ZC3H12B: variants seen among roughly 807,000 people sequenced by gnomAD.
ZC3H12B encodes the protein zinc finger CCCH-type containing 12B.
In ZC3H12B, 7 loss-of-function variants were observed where a neutral mutation model predicts 43.9. The ratio of observed to expected loss-of-function variants is 0.16; its 90% CI spans 0.09 to 0.30. ZC3H12B has a LOEUF of 0.30. Ranked by LOEUF, ZC3H12B falls within the 10% of genes least tolerant of loss-of-function variation. The probability of loss-of-function intolerance (pLI) is 1.00; values close to 1 mark genes in which losing one functional copy is unlikely to be tolerated. For missense variants in ZC3H12B, 475 were observed against 670.2 expected (o/e 0.71, Z 3.22); for synonymous variants, 222 against 241.7 (o/e 0.92, Z 0.76).
chrX:65,406,613 T>C (rs749550075), intron 3 of ZC3H12B, among the ~76,000 whole-genome samples: 1,307 of 17,386 alleles, frequency 0.075, 55 homozygotes, highest in African/African-American at 0.096. Context: ...TGGGCGGGGC[T>C]GGGCGGGACT....
intron 2 of ZC3H12B, among the ~76,000 whole-genome samples, chrX:65,391,444 G>A (rs747846622): frequency 5.4e-5 from 6 of 111,326 alleles, no homozygotes; most frequent in African/African-American, 1.3e-4. Flanking sequence ...CTCTTTTTGG[G>A]CAGATTTTGA....
chrX:65,417,647 G>T (rs1449674036), intron 3 of ZC3H12B, among the ~76,000 whole-genome samples: 1 of 112,582 alleles, frequency 8.9e-6, no homozygotes, highest in Non-Finnish European at 1.9e-5. Context: ...GGAGCTAATT[G>T]ATTTCTGGCC....
chrX:65,193,304 G>A, the ZC3H12B span, among the ~76,000 whole-genome samples: 1 of 110,662 alleles, frequency 9.0e-6, no homozygotes, highest in African/African-American at 3.3e-5. Flanking sequence ...GTTTTATCTT[G>A]TCTTCGATCT....
intron 3 of ZC3H12B, among the ~76,000 whole-genome samples, chrX:65,403,895 G>A (rs1217355329): frequency 9.0e-6 from 1 of 111,392 alleles, no homozygotes; most frequent in African/African-American, 3.3e-5. Context: ...CAAAACTCAT[G>A]GGTAATAGTA....
chrX:65,312,206 C>CA, the ZC3H12B span, among the ~76,000 whole-genome samples: 5 of 111,413 alleles, frequency 4.5e-5, no homozygotes, highest in East Asian at 1.4e-3. Flanking sequence ...GAAGAACAAC[C>CA]AATATAGTAG....
chrX:65,081,335 G>A, the ZC3H12B span, among the ~76,000 whole-genome samples: 28 of 110,649 alleles, frequency 2.5e-4, no homozygotes, highest in African/African-American at 8.9e-4. Context: ...AAAAGATGTA[G>A]AGAGGCTGAT....
chrX:65,097,690 G>T, the ZC3H12B span, among the ~76,000 whole-genome samples: 3 of 111,828 alleles, frequency 2.7e-5, no homozygotes, highest in African/African-American at 9.7e-5. Context: ...AACCATTTTT[G>T]TAGAGAAAAT....
chrX:65,425,765 A>G (rs1161023499), intron 3 of ZC3H12B, among the ~76,000 whole-genome samples: 1 of 111,804 alleles, frequency 8.9e-6, no homozygotes, highest in Non-Finnish European at 1.9e-5. Context: ...AATCACATTT[A>G]TTGATTTGTG....
At chrX:65,458,877 A>G (rs1050269208) in intron 3 of ZC3H12B, among the ~76,000 whole-genome samples, 4 of 111,589 alleles carry the variant, frequency 3.6e-5, no homozygotes, top group Non-Finnish European at 7.5e-5. Flanking sequence ...AACTGAAGGA[A>G]ATAGAGACAC....
At chrX:65,247,474 C>T in the ZC3H12B span, among the ~76,000 whole-genome samples, 1 of 112,501 alleles carries the variant, frequency 8.9e-6, no homozygotes, top group Non-Finnish European at 1.9e-5. Flanking sequence ...ATAGCAAAGA[C>T]ATGGGATCAA....
the ZC3H12B span, among the ~76,000 whole-genome samples, chrX:65,177,943 C>A: frequency 8.9e-6 from 1 of 112,144 alleles, no homozygotes; most frequent in Non-Finnish European, 1.9e-5. Flanking sequence ...CAAAAATAGC[C>A]TGTATACCCA....
chrX:65,136,742 G>C, the ZC3H12B span, among the ~76,000 whole-genome samples: 1 of 111,495 alleles, frequency 9.0e-6, no homozygotes, highest in African/African-American at 3.3e-5. Flanking sequence ...CTCTCAACTC[G>C]TGAAGTCCCT....
chrX:65,250,063 A>G, the ZC3H12B span, among the ~76,000 whole-genome samples: 1 of 110,301 alleles, frequency 9.1e-6, no homozygotes, highest in Non-Finnish European at 1.9e-5. Flanking sequence ...CATTAGGTAT[A>G]TCTCCTAATG....
the ZC3H12B span, among the ~76,000 whole-genome samples, chrX:65,168,876 G>T: frequency 9.0e-6 from 1 of 111,679 alleles, no homozygotes; most frequent in Non-Finnish European, 1.9e-5. Flanking sequence ...CTGTGGAATT[G>T]ATGGTGATAT....
the ZC3H12B span, among the ~76,000 whole-genome samples, chrX:65,166,633 A>G: frequency 3.6e-5 from 4 of 111,844 alleles, no homozygotes; most frequent in Non-Finnish European, 7.5e-5. Flanking sequence ...GTCTTCCACA[A>G]TGGTTGAACT....
chrX:65,344,916 A>G, the ZC3H12B span, among the ~76,000 whole-genome samples: 6 of 112,351 alleles, frequency 5.3e-5, no homozygotes, highest in Admixed American at 4.7e-4. Context: ...ACACTTTTTA[A>G]AAGACATACA....
chrX:65,288,377 C>A, the ZC3H12B span, among the ~76,000 whole-genome samples: 1 of 111,445 alleles, frequency 9.0e-6, no homozygotes, highest in Non-Finnish European at 1.9e-5. Flanking sequence ...AGGCCAATAT[C>A]CCTGATGAAT....
At chrX:65,372,463 G>A (rs757476013) in intron 2 of ZC3H12B, among the ~76,000 whole-genome samples, 5 of 106,178 alleles carry the variant, frequency 4.7e-5, no homozygotes, top group African/African-American at 1.7e-4. Context: ...AAGAAGAGAG[G>A]ACAGGAGAGA....
At chrX:65,300,717 G>C in the ZC3H12B span, among the ~76,000 whole-genome samples, 1 of 111,345 alleles carries the variant, frequency 9.0e-6, no homozygotes, top group Admixed American at 9.6e-5. Context: ...ATGCTGTCTT[G>C]AAAGCGCCAT....
Sources: allele counts gnomAD v4.1 joint callset (sites outside exome capture counted in the v4.1 genomes callset), GRCh38; gene constraint gnomAD v4.1.1; transcripts MANE v1.5; gene names NCBI Gene and HGNC (gene_info 2026-07-23, HGNC 2026-07-21).